SGCD: variants seen among roughly 807,000 people sequenced by gnomAD.
SGCD encodes the protein delta-sarcoglycan.
SGCD carries 18 observed loss-of-function variants against 36.6 expected under a neutral mutation model. The ratio of observed to expected loss-of-function variants is 0.49; its 90% confidence interval spans 0.34 to 0.73. The LOEUF (loss-of-function observed/expected upper bound fraction) is 0.73. Among genes scored for constraint, SGCD ranks in the 30% least tolerant of loss-of-function variants. The pLI, the probability that SGCD is intolerant of heterozygous loss-of-function variation, is 0.01. For synonymous variants in SGCD, 133 were observed against 130.6 expected (o/e 1.02, Z -0.12); for missense variants, 387 against 346.7 (o/e 1.12, Z -0.92).
chr5:156,655,065 G>T (rs767313224), intron 7 of SGCD, among the ~76,000 whole-genome samples: 2 of 151,684 alleles, frequency 1.3e-5, no homozygotes, highest in African/African-American at 4.8e-5. Flanking sequence ...ATTTTTGAGG[G>T]TTTTTTTTCT....
intron 1 of SGCD, among the ~76,000 whole-genome samples, chr5:155,925,886 G>A (rs1408937584): frequency 6.6e-6 from 1 of 151,976 alleles, no homozygotes; most frequent in African/African-American, 2.4e-5. Flanking sequence ...CAAAGTGCTG[G>A]GAGTACAAAA....
At chr5:156,600,228 C>G (rs1761134893) in intron 6 of SGCD, among the ~76,000 whole-genome samples, 1 of 152,108 alleles carries the variant, frequency 6.6e-6, no homozygotes, top group South Asian at 2.1e-4. Flanking sequence ...ACTGTAGTCA[C>G]CCTCCTGCAC....
chr5:156,597,222 T>G (rs894540618), intron 6 of SGCD, among the ~76,000 whole-genome samples: 2 of 152,130 alleles, frequency 1.3e-5, no homozygotes, highest in Non-Finnish European at 2.9e-5. Context: ...ATTTCATACA[T>G]AGTCCCAATA....
chr5:155,819,637 C>G, the SGCD span, among the ~76,000 whole-genome samples: 1 of 152,146 alleles, frequency 6.6e-6, no homozygotes, highest in Non-Finnish European at 1.5e-5. Flanking sequence ...TAAGGGCACA[C>G]AACTCATTAG....
chr5:156,595,097 A>G (rs375655417), intron 6 of SGCD, 46 bp downstream of exon 6: 2 of 1,564,680 alleles, frequency 1.3e-6, no homozygotes, highest in Non-Finnish European at 1.7e-6. Context: ...TACTGTGTAC[A>G]TTTTAGAGGA....
At chr5:155,748,354 A>T in the SGCD span, among the ~76,000 whole-genome samples, 1 of 151,924 alleles carries the variant, frequency 6.6e-6, no homozygotes. Flanking sequence ...TTATATAGAT[A>T]ATTTATATAA....
At chr5:156,054,693 C>T (rs950974508) in intron 1 of SGCD, among the ~76,000 whole-genome samples, 3 of 146,898 alleles carry the variant, frequency 2.0e-5, no homozygotes, top group African/African-American at 7.4e-5. Context: ...CTTTCTTTAT[C>T]ATATACATGT....
chr5:155,996,976 A>C (rs935245443), intron 1 of SGCD, among the ~76,000 whole-genome samples: 1 of 152,070 alleles, frequency 6.6e-6, no homozygotes. Context: ...CATTCTGCCA[A>C]TGTTGCATTA....
the SGCD span, among the ~76,000 whole-genome samples, chr5:155,842,952 C>G: frequency 6.6e-6 from 1 of 152,138 alleles, no homozygotes; most frequent in Non-Finnish European, 1.5e-5. Flanking sequence ...TTTCTGCAGC[C>G]TGATTATAAG....
intron 7 of SGCD, among the ~76,000 whole-genome samples, chr5:156,746,571 T>A (rs1395081384): frequency 6.6e-6 from 1 of 152,150 alleles, no homozygotes; most frequent in African/African-American, 2.4e-5. Context: ...TAGAAATAGA[T>A]CCACACATAT....
At chr5:156,532,795 C>T (rs1040706391) in intron 4 of SGCD, among the ~76,000 whole-genome samples, 4 of 152,196 alleles carry the variant, frequency 2.6e-5, no homozygotes, top group Non-Finnish European at 5.9e-5. Context: ...CTTATAAAGG[C>T]TCTATCACTT....
At chr5:156,435,518 CAT>C (rs1481028159) in intron 3 of SGCD, among the ~76,000 whole-genome samples, 11 of 152,210 alleles carry the variant, frequency 7.2e-5, no homozygotes, top group African/African-American at 1.2e-4. Context: ...GGTGTGGAAT[CAT>C]ATATGTGGAA....
At chr5:156,186,042 A>G (rs937418108) in intron 3 of SGCD, among the ~76,000 whole-genome samples, 3 of 150,270 alleles carry the variant, frequency 2.0e-5, no homozygotes, top group Non-Finnish European at 4.4e-5. Flanking sequence ...CTAATTGGCC[A>G]CTTTAATGTT....
chr5:155,939,108 G>A (rs1757273128), intron 1 of SGCD, among the ~76,000 whole-genome samples: 1 of 152,118 alleles, frequency 6.6e-6, no homozygotes, highest in African/African-American at 2.4e-5. Flanking sequence ...CCAGTTAGGA[G>A]GAAAATGTTC....
At chr5:156,753,169 C>T (rs558657689) in intron 7 of SGCD, among the ~76,000 whole-genome samples, 37 of 152,200 alleles carry the variant, frequency 2.4e-4, no homozygotes, top group Non-Finnish European at 5.0e-4. Flanking sequence ...ACAAGCCCAC[C>T]AGGTGATTCT....
intron 1 of SGCD, among the ~76,000 whole-genome samples, chr5:156,100,317 A>G (rs754430494): frequency 7.9e-5 from 12 of 152,162 alleles, no homozygotes. Context: ...AACCATCTAA[A>G]GGCATATGGT....
chr5:156,488,830 T>C (rs1485509613), intron 3 of SGCD, among the ~76,000 whole-genome samples: 2 of 152,184 alleles, frequency 1.3e-5, no homozygotes, highest in African/African-American at 2.4e-5. Context: ...GAACAAAGTG[T>C]ATCCAAAGCC....
chr5:156,015,578 A>G (rs1300081826), intron 1 of SGCD, among the ~76,000 whole-genome samples: 1 of 151,924 alleles, frequency 6.6e-6, no homozygotes, highest in East Asian at 1.9e-4. Context: ...AGACAGAAAA[A>G]GGGTGCATAT....
intron 3 of SGCD, among the ~76,000 whole-genome samples, chr5:156,286,185 A>C (rs540946111): frequency 6.6e-6 from 1 of 152,310 alleles, no homozygotes; most frequent in African/African-American, 2.4e-5. Flanking sequence ...CAGGTGCTAG[A>C]GAGGATGTGG....
Sources: allele counts gnomAD v4.1 joint callset (sites outside exome capture counted in the v4.1 genomes callset), GRCh38; gene constraint gnomAD v4.1.1; transcripts MANE v1.5; gene names NCBI Gene and HGNC (gene_info 2026-07-23, HGNC 2026-07-21).